The following QSOX1 variants were observed in gnomAD, a reference collection of about 807,000 sequenced individuals.
The protein encoded by QSOX1 is quiescin sulfhydryl oxidase 1.
A neutral mutation model predicts 76.1 loss-of-function variants in QSOX1; 40 were observed. The ratio of observed to expected loss-of-function variants is 0.53; its 90% CI spans 0.41 to 0.68. The LOEUF (loss-of-function observed/expected upper bound fraction) is 0.68. QSOX1 is among the 30% of genes least tolerant of loss of function. The pLI is 0.00. For synonymous variants in QSOX1, 392 were observed against 413.1 expected, an observed-to-expected ratio of 0.95 and a Z score of 0.62; for missense variants, 931 against 974.3, an observed-to-expected ratio of 0.96 and a Z score of 0.59.
In QSOX1 at chr1:180,182,332, T is replaced by C. The variant is rs1317621059; in HGVS notation, c.752+13T>C. The C allele has an allele frequency of 6.2e-7, 1 of 1,613,964 alleles. No individual in the cohort carries two copies. The highest frequency in any genetic ancestry group is 1.3e-5 in the African/African-American group (1 of 74,932). On this transcript the variant is annotated intron_variant, in intron 6 of 11. Coordinates refer to ENST00000367602, the MANE Select transcript of QSOX1 (RefSeq NM_002826.5). ...CCCGAGTCCCCGTGTGAGTATCCTG[T>C]CTCCTGGCGTCCCCTCTCGTCCCTC...
intron 1 of QSOX1, among the ~76,000 whole-genome samples, chr1:180,163,217 A>G (rs1311245369): frequency 1.3e-5 from 2 of 151,752 alleles, no homozygotes; most frequent in South Asian, 2.1e-4. Flanking sequence ...CCTTGTATCC[A>G]TTGGTTTGTC....
chr1:180,158,998 C>G (rs1054446308), intron 1 of QSOX1, among the ~76,000 whole-genome samples: 1 of 152,154 alleles, frequency 6.6e-6, no homozygotes, highest in African/African-American at 2.4e-5. Flanking sequence ...CCTGCTCCAC[C>G]CAGTGCCCTC....
chr1:180,177,250 CT>C (rs34390948), intron 4 of QSOX1, among the ~76,000 whole-genome samples: 76,218 of 112,414 alleles, frequency 0.68, 23,029 homozygotes, highest in Non-Finnish European at 0.73. Context: ...CAAAGTGATC[CT>C]TTTTTTTTTT....
At chr1:180,186,772 C>T (rs915282573) in intron 8 of QSOX1, among the ~76,000 whole-genome samples, 2 of 152,226 alleles carry the variant, frequency 1.3e-5, no homozygotes, top group African/African-American at 4.8e-5. Flanking sequence ...TTTATTTTGT[C>T]CTCCCCGATT....
At chr1:180,161,516 GA>G (rs2149229594) in intron 1 of QSOX1, among the ~76,000 whole-genome samples, 1 of 152,294 alleles carries the variant, frequency 6.6e-6, no homozygotes, top group East Asian at 1.9e-4. Flanking sequence ...GATACTTATT[GA>G]ACTTATGCAA....
intron 8 of QSOX1, among the ~76,000 whole-genome samples, chr1:180,186,433 C>T (rs963122272): frequency 6.6e-6 from 1 of 152,256 alleles, no homozygotes; most frequent in Non-Finnish European, 1.5e-5. Flanking sequence ...GGCCCGTGCC[C>T]CCCACCTGGG....
At chr1:180,194,443 G>T (rs67343209) in intron 11 of QSOX1, 51 bp downstream of exon 11, 73,088 of 1,495,864 alleles carry the variant, frequency 0.049, 2,443 homozygotes, top group Middle Eastern at 0.13. Context: ...GGACGAGGGG[G>T]TGAGGATACT....
chr1:180,186,030 T>A, intron 7 of QSOX1, 23 bp from the exon 8 acceptor site: 9 of 1,612,702 alleles, frequency 5.6e-6, no homozygotes, highest in Non-Finnish European at 7.6e-6. Context: ...TCTTTCTCTC[T>A]CTATCTCCCT....
Position 180,189,587 on chromosome 1 carries a change from G to A in QSOX1, c.1053G>A (p.Leu351=). ...GCCGGCCCTTAGTCCAGAACTTCCT[G>A]CACTCCGTGAATGAATGGCTCAAGA... ...FPGRPLVQNF[L]HSVNEWLKRQ... Residue 351 remains leucine (L), a synonymous_variant, in exon 9 of 12, where the codon CTG becomes CTA. Coordinates refer to ENST00000367602, the MANE Select transcript of QSOX1 (RefSeq NM_002826.5). 2 of 1,613,404 alleles carry A rather than the reference G, an allele frequency of 1.2e-6. No homozygotes were observed. Among genetic ancestry groups the A allele is most frequent in the Non-Finnish European group, 1.7e-6 (2 of 1,179,572 alleles).
chr1:180,180,170 C>T (rs971108110), intron 5 of QSOX1, among the ~76,000 whole-genome samples: 1 of 152,258 alleles, frequency 6.6e-6, no homozygotes, highest in African/African-American at 2.4e-5. Context: ...TTCTAAGCCT[C>T]AGTTTCTCCA....
At position 180,175,331 on chromosome 1, in the gene QSOX1, C is replaced by T. The variant is rs1662862809; in HGVS notation, c.377C>T (p.Ala126Val). The T allele has an allele frequency of 1.2e-6, 2 of 1,613,990 alleles. No individual in the cohort carries two copies. The highest frequency in any genetic ancestry group is 1.7e-6 in the Non-Finnish European group (2 of 1,179,988). ...PGFPTVRFFK[A>V]FTKNGSGAVF... The stretch of plus-strand genomic sequence containing the variant: ...TGTGTTTGCTTCCAGTTCTTCAAGG[C>T]CTTTACCAAGAACGGCTCGGGAGCA... The change falls in exon 3 of 12, where the codon GCC becomes GTC. Residue 126 changes from alanine to valine, a missense_variant. Physicochemically the swap from Ala to Val is moderately conservative, Grantham distance 64. Coordinates refer to ENST00000367602, the MANE Select transcript of QSOX1 (RefSeq NM_002826.5).
At chr1:180,158,114 A>T (rs1188244811) in intron 1 of QSOX1, among the ~76,000 whole-genome samples, 1 of 152,168 alleles carries the variant, frequency 6.6e-6, no homozygotes, top group African/African-American at 2.4e-5. Flanking sequence ...CTCTTTTTTT[A>T]AAACAGGTAA....
Position 180,155,188 on chromosome 1 carries a change from G to A in QSOX1, c.265+16G>A. The A allele has an allele frequency of 6.8e-7, 1 of 1,477,752 alleles. No homozygotes were observed. Among genetic ancestry groups the A allele is most frequent in the Non-Finnish European group, 9.0e-7 (1 of 1,117,318 alleles). 91.5% of individuals were successfully genotyped at this position (1,477,752 alleles called of 1,614,324 possible). On this transcript the variant is annotated intron_variant, in intron 1 of 11. Transcript: ENST00000367602. Reference sequence around the variant, plus strand: ...GACGTCAAAGGTGAGAAGCGGGGGCGGCCCGCTCCCCCGTGCCCCGCCGCC... The same window carrying A: ...GACGTCAAAGGTGAGAAGCGGGGGCAGCCCGCTCCCCCGTGCCCCGCCGCC...
chr1:180,189,561 G>A lies in QSOX1; in HGVS notation c.1027G>A (p.Gly343Ser), dbSNP rs1485600984. ...TTGTTCCTCCCCACAGTATTTCCCT[G>A]GCCGGCCCTTAGTCCAGAACTTCCT... is the stretch of plus-strand genomic sequence containing the variant. Reference protein sequence around the residue: ...FVAVLAKYFPGRPLVQNFLHS... With the variant: ...FVAVLAKYFPSRPLVQNFLHS... The change falls in exon 9 of 12, where the codon GGC becomes AGC. Residue 343 changes from glycine to serine, a missense_variant. Physicochemically the swap from Gly to Ser is moderately conservative, Grantham distance 56 (BLOSUM62 0). Transcript: ENST00000367602. 6.2e-7 allele frequency: 1 copy of A among 1,611,078 alleles called. No homozygotes were observed. The highest frequency in any genetic ancestry group is 8.5e-7 in the Non-Finnish European group (1 of 1,178,556).
In QSOX1 at chr1:180,196,723, A is replaced by G; in HGVS notation, c.1930A>G (p.Lys644Glu). The G allele has an allele frequency of 1.2e-6, 2 of 1,614,152 alleles. No homozygotes were observed. The highest frequency in any genetic ancestry group is 1.7e-6 in the Non-Finnish European group (2 of 1,180,042). The change falls in exon 12 of 12, where the codon AAG (lysine) becomes GAG (glutamate). Residue 644 changes from lysine to glutamate, a missense_variant. By Grantham distance (56) the Lys-to-Glu change is moderately conservative. Coordinates refer to ENST00000367602, the MANE Select transcript of QSOX1 (RefSeq NM_002826.5). This position sits in a 1 kb window ranked among gnomAD's most constrained non-coding sequence, Gnocchi z 4.1. The stretch of plus-strand genomic sequence containing the variant: ...GCCGCTTGGGCAGTGGCACTTGAGC[A>G]AGCGAGACACAGGGGCTGCATTGCT... ...EQPLGQWHLS[K>E]RDTGAALLAE... is the part of the protein sequence containing the mutation.
At chr1:180,168,940 G>A (rs1460515685) in intron 2 of QSOX1, among the ~76,000 whole-genome samples, 2 of 152,234 alleles carry the variant, frequency 1.3e-5, no homozygotes, top group Admixed American at 1.3e-4. Flanking sequence ...GGGCCCATGC[G>A]AAGCAGGGGG....
At chr1:180,175,167 A>AAG (rs1662858875) in intron 2 of QSOX1, among the ~76,000 whole-genome samples, 154 bp from the exon 3 acceptor site, 1 of 151,100 alleles carries the variant, frequency 6.6e-6, no homozygotes. Flanking sequence ...AAAAAAAAAA[A>AAG]AAGAAAGAAA....
chr1:180,170,481 C>T (rs1420352647), intron 2 of QSOX1, among the ~76,000 whole-genome samples: 1 of 152,188 alleles, frequency 6.6e-6, no homozygotes, highest in East Asian at 1.9e-4. Flanking sequence ...CTCTTGAGCT[C>T]TTTTGGCCCC....
At position 180,196,857 on chromosome 1, in the gene QSOX1, C is replaced by T. The variant is rs766659513; in HGVS notation, c.2064C>T (p.Ala688=). Reference sequence around the variant, plus strand: ...ACATCCCTGAGGGCCAGCTGGAGGCCCGAGCTGGACGGGGCCGAGGCCAGT... The same window carrying T: ...ACATCCCTGAGGGCCAGCTGGAGGCTCGAGCTGGACGGGGCCGAGGCCAGT... ...LVDIPEGQLE[A]RAGRGRGQWL... is the part of the protein sequence containing the mutation. The change falls in exon 12 of 12, where the codon GCC becomes GCT. Residue 688 remains alanine, a synonymous_variant. Transcript: ENST00000367602. The surrounding 1 kb of genome is among the most constrained non-coding windows in gnomAD (Gnocchi z 4.1). 42 of 1,603,474 alleles carry T rather than the reference C, an allele frequency of 2.6e-5. No individual in the cohort carries two copies. In the African/African-American group the frequency reaches 5.0e-4, roughly 19 times the overall value.
Sources: allele counts gnomAD v4.1 joint callset (sites outside exome capture counted in the v4.1 genomes callset), GRCh38; gene constraint gnomAD v4.1.1; non-coding constraint Gnocchi (gnomAD v3.1); transcripts MANE v1.5; gene names NCBI Gene and HGNC (gene_info 2026-07-23, HGNC 2026-07-21).